The following ZDHHC21 variants were observed in gnomAD, a reference collection of about 807,000 sequenced individuals.
ZDHHC21 encodes the protein palmitoyltransferase ZDHHC21.
A neutral mutation model predicts 34.6 loss-of-function variants in ZDHHC21; 15 were observed. That is an observed-to-expected ratio of 0.43 (90% CI 0.29 to 0.67). The LOEUF (loss-of-function observed/expected upper bound fraction) is 0.67. Ranked by LOEUF, ZDHHC21 falls within the 30% of genes least tolerant of loss-of-function variation. ZDHHC21 has a pLI of 0.14. For missense variants in ZDHHC21, 344 were observed against 327.7 expected (o/e 1.05, Z -0.38); for synonymous variants, 142 against 101.8 (o/e 1.40, Z -2.38).
chr9:14,606,287 C>T (rs1399370869), downstream of ZDHHC21, among the ~76,000 whole-genome samples: 1 of 152,186 alleles, frequency 6.6e-6, no homozygotes, highest in Non-Finnish European at 1.5e-5. Flanking sequence ...AGGTTTGTGA[C>T]TTCTGAAGCT....
At chr9:14,678,585 C>G (rs540262407) in intron 3 of ZDHHC21, among the ~76,000 whole-genome samples, 123 of 152,172 alleles carry the variant, frequency 8.1e-4, no homozygotes, top group Middle Eastern at 3.4e-3. Flanking sequence ...GGCATGTAAG[C>G]TGATACAATC....
chr9:14,631,225 A>C lies in ZDHHC21; in HGVS notation c.621+8671T>G, dbSNP rs555198713. 3.3e-5 allele frequency among the ~76,000 whole-genome samples: 5 copies of C among 152,344 alleles called. No homozygotes were observed. The East Asian group carries it at 7.7e-4, about 24-fold the overall frequency. On this transcript the variant is annotated intron_variant, in intron 8 of 9. Transcript: ENST00000380916. The stretch of plus-strand genomic sequence containing the variant: ...TTGGATAATTTGTTGCAACTTCTAC[A>C]TCAGCACTTGCTGCTTCACCTTGCA...
At chr9:14,663,835 C>T (rs967753858) in intron 5 of ZDHHC21, among the ~76,000 whole-genome samples, 3 of 152,078 alleles carry the variant, frequency 2.0e-5, no homozygotes, top group African/African-American at 7.2e-5. Context: ...AGCAACAGTA[C>T]TAAAGCTTAA....
intron 2 of ZDHHC21, among the ~76,000 whole-genome samples, chr9:14,682,238 A>G (rs1252500691): frequency 6.6e-6 from 1 of 152,202 alleles, no homozygotes; most frequent in African/African-American, 2.4e-5. Context: ...TAAAAGACAC[A>G]GACTGGCAAA....
intron 5 of ZDHHC21, among the ~76,000 whole-genome samples, chr9:14,669,227 A>C (rs10810209): frequency 0.93 from 117,224 of 125,600 alleles, 54,746 homozygotes; most frequent in Non-Finnish European, 0.96. Context: ...GAAGACATTT[A>C]TGCAGCCAAA....
At chr9:14,689,438 G>A (rs1046087191) in intron 2 of ZDHHC21, among the ~76,000 whole-genome samples, 2 of 152,214 alleles carry the variant, frequency 1.3e-5, no homozygotes, top group African/African-American at 4.8e-5. Context: ...TGGACAAAGT[G>A]TCAAAGCATA....
chr9:14,594,540 A>G, the ZDHHC21 span, among the ~76,000 whole-genome samples: 36 of 152,310 alleles, frequency 2.4e-4, 1 homozygote, highest in East Asian at 5.4e-3. Flanking sequence ...CTCACTTCAC[A>G]GTATACATAA....
chr9:14,658,464 C>CT (rs769819264), intron 7 of ZDHHC21, among the ~76,000 whole-genome samples: 3,268 of 64,936 alleles, frequency 0.05, 1,249 homozygotes, highest in Admixed American at 0.077. Flanking sequence ...ATAAACATTT[C>CT]TTTTTTTTTT....
intron 7 of ZDHHC21, 80 bp downstream of exon 7, chr9:14,658,669 C>T: frequency 1.7e-6 from 2 of 1,178,420 alleles, no homozygotes; most frequent in South Asian, 1.3e-5. Flanking sequence ...GACGGGGTTT[C>T]ACCGTGTTAG....
At chr9:14,646,941 G>C (rs1830367179) in intron 7 of ZDHHC21, among the ~76,000 whole-genome samples, 1 of 152,014 alleles carries the variant, frequency 6.6e-6, no homozygotes, top group African/African-American at 2.4e-5. Context: ...CTGGAATGTA[G>C]AATCAGCTCC....
the ZDHHC21 span, among the ~76,000 whole-genome samples, chr9:14,598,358 A>T: frequency 6.6e-6 from 1 of 152,202 alleles, no homozygotes; most frequent in Non-Finnish European, 1.5e-5. Context: ...TTACACCCAT[A>T]GAAATAATAC....
At chr9:14,620,437 T>G (rs1825105849) in intron 8 of ZDHHC21, among the ~76,000 whole-genome samples, 1 of 152,068 alleles carries the variant, frequency 6.6e-6, no homozygotes, top group African/African-American at 2.4e-5. Flanking sequence ...TAGATATTTA[T>G]TTGTATTTTA....
intron 7 of ZDHHC21, among the ~76,000 whole-genome samples, chr9:14,652,471 A>G (rs1349339897): frequency 6.6e-6 from 1 of 152,046 alleles, no homozygotes; most frequent in Non-Finnish European, 1.5e-5. Flanking sequence ...AAAAACATAT[A>G]AATCTTTGAA....
chr9:14,654,313 A>C (rs1831791275), intron 7 of ZDHHC21, among the ~76,000 whole-genome samples: 1 of 152,056 alleles, frequency 6.6e-6, no homozygotes, highest in Non-Finnish European at 1.5e-5. Flanking sequence ...CTATATTAAG[A>C]CCAATGTTCT....
chr9:14,653,887 G>C (rs1333118762), intron 7 of ZDHHC21, among the ~76,000 whole-genome samples: 1 of 151,984 alleles, frequency 6.6e-6, no homozygotes, highest in African/African-American at 2.4e-5. Flanking sequence ...TTAAAAGCCA[G>C]ATAAAATCCA....
chr9:14,684,590 G>A (rs1837975770), intron 2 of ZDHHC21, among the ~76,000 whole-genome samples: 3 of 151,586 alleles, frequency 2.0e-5, no homozygotes, highest in Admixed American at 2.0e-4. Context: ...ATGCTCATGG[G>A]TAGGAAGAAT....
At position 14,619,623 on chromosome 9, in the gene ZDHHC21, T is replaced by A. The variant is rs1343180061; in HGVS notation, c.665+16A>T. 2 of 1,405,768 alleles carry A rather than the reference T, an allele frequency of 1.4e-6. No homozygotes were observed. The highest frequency in any genetic ancestry group is 2.4e-5 in the South Asian group (2 of 83,472). 87.1% of individuals were successfully genotyped at this position (1,405,768 alleles called of 1,614,324 possible). ...CCAATTTTAAATAATACTATACACTTCAGTTTTATACTTACATATCTTCAC... is the reference window on the plus strand; with the variant it reads ...CCAATTTTAAATAATACTATACACTACAGTTTTATACTTACATATCTTCAC... On this transcript the variant is annotated intron_variant, in intron 9 of 9. Coordinates refer to ENST00000380916, the MANE Select transcript of ZDHHC21 (RefSeq NM_178566.6).
At chr9:14,591,097 A>C in the ZDHHC21 span, among the ~76,000 whole-genome samples, 1 of 152,162 alleles carries the variant, frequency 6.6e-6, no homozygotes, top group South Asian at 2.1e-4. Context: ...AAAAATTAAA[A>C]GAGGTATACC....
intron 7 of ZDHHC21, among the ~76,000 whole-genome samples, chr9:14,652,088 CAA>C (rs1390803895): frequency 6.6e-6 from 1 of 151,888 alleles, no homozygotes; most frequent in Non-Finnish European, 1.5e-5. Context: ...CCAAACATCT[CAA>C]AGTTTATAAT....
Sources: allele counts gnomAD v4.1 joint callset (sites outside exome capture counted in the v4.1 genomes callset), GRCh38; gene constraint gnomAD v4.1.1; transcripts MANE v1.5; gene names NCBI Gene and HGNC (gene_info 2026-07-23, HGNC 2026-07-21).